LUZP2: variants seen among roughly 807,000 people sequenced by gnomAD.
The protein encoded by LUZP2 is leucine zipper protein 2.
A neutral mutation model predicts 51.6 loss-of-function variants in LUZP2; 52 were observed. That is an observed-to-expected ratio of 1.01 (90% confidence interval 0.81 to 1.27). The LOEUF (loss-of-function observed/expected upper bound fraction) is 1.27, where lower values mean the gene tolerates loss of function less well. Among genes scored for constraint, LUZP2 ranks in the 50% most tolerant of loss-of-function variants. The probability of loss-of-function intolerance (pLI) is 0.00; values close to 1 mark genes in which losing one functional copy is unlikely to be tolerated. For missense variants in LUZP2, 436 were observed against 395.4 expected, an observed-to-expected ratio of 1.10 and a Z score of -0.87; for synonymous variants, 154 against 137.3, an observed-to-expected ratio of 1.12 and a Z score of -0.85.
chr11:24,973,360 A>G (rs976844499), intron 7 of LUZP2, among the ~76,000 whole-genome samples: 4 of 13,822 alleles, frequency 2.9e-4, no homozygotes, highest in African/African-American at 5.2e-4. Context: ...CTATATATTT[A>G]TTAGTTTTTT....
chr11:25,043,817 G>A (rs1474552582), intron 9 of LUZP2, among the ~76,000 whole-genome samples: 1 of 147,052 alleles, frequency 6.8e-6, no homozygotes, highest in Non-Finnish European at 1.5e-5. Context: ...TATGTAAAAA[G>A]TACATAAATT....
chr11:24,741,497 T>C (rs928212293), intron 4 of LUZP2, among the ~76,000 whole-genome samples: 3 of 151,916 alleles, frequency 2.0e-5, no homozygotes, highest in Admixed American at 1.3e-4. Context: ...ATTTGTGAGA[T>C]TTTGGTGCAC....
At chr11:24,688,134 A>G (rs894885635) in intron 1 of LUZP2, among the ~76,000 whole-genome samples, 3 of 152,192 alleles carry the variant, frequency 2.0e-5, no homozygotes, top group Non-Finnish European at 4.4e-5. Context: ...GATAATAACA[A>G]GAGAAACATT....
At chr11:24,794,747 C>G (rs947567660) in intron 5 of LUZP2, among the ~76,000 whole-genome samples, 5 of 151,866 alleles carry the variant, frequency 3.3e-5, no homozygotes, top group African/African-American at 1.2e-4. Flanking sequence ...AATTTATTCT[C>G]TCATAAGTTT....
chr11:24,767,605 T>G (rs1257286816), intron 5 of LUZP2, among the ~76,000 whole-genome samples: 1 of 152,226 alleles, frequency 6.6e-6, no homozygotes, highest in Non-Finnish European at 1.5e-5. Flanking sequence ...TTATTTACAA[T>G]GGCCCACATT....
intron 9 of LUZP2, among the ~76,000 whole-genome samples, chr11:25,019,269 T>C (rs1396492210): frequency 6.6e-6 from 1 of 152,176 alleles, no homozygotes; most frequent in Non-Finnish European, 1.5e-5. Context: ...GAATCTATCA[T>C]ATAGAATGTC....
At chr11:24,979,041 G>A (rs1005842915) in intron 8 of LUZP2, among the ~76,000 whole-genome samples, 1 of 151,730 alleles carries the variant, frequency 6.6e-6, no homozygotes, top group African/African-American at 2.4e-5. Flanking sequence ...GAATGACCAT[G>A]TTCAAATTCC....
At chr11:25,048,275 C>T (rs995599152) in intron 9 of LUZP2, among the ~76,000 whole-genome samples, 3 of 152,186 alleles carry the variant, frequency 2.0e-5, no homozygotes, top group African/African-American at 7.2e-5. Context: ...TGTTTTCCTT[C>T]ACCTGGATGG....
At chr11:24,718,619 A>T (rs929028743) in intron 1 of LUZP2, among the ~76,000 whole-genome samples, 8 of 152,240 alleles carry the variant, frequency 5.3e-5, no homozygotes, top group African/African-American at 1.9e-4. Context: ...GTTCAACATT[A>T]TAAGTACAAA....
chr11:25,075,489 T>A (rs1432222840), intron 10 of LUZP2, among the ~76,000 whole-genome samples: 1 of 152,228 alleles, frequency 6.6e-6, no homozygotes, highest in Non-Finnish European at 1.5e-5. Flanking sequence ...CACTTTTTGG[T>A]AGGCATCTAG....
intron 9 of LUZP2, among the ~76,000 whole-genome samples, chr11:25,018,618 TTTTTTTTTA>T (rs1325340688): frequency 1.6e-3 from 146 of 90,286 alleles, no homozygotes; most frequent in African/African-American, 8.1e-3. Flanking sequence ...TTTTTTTTTT[TTTTTTTTTA>T]AAGACACTCT....
At chr11:24,935,921 A>G (rs1321598159) in intron 7 of LUZP2, among the ~76,000 whole-genome samples, 4 of 152,286 alleles carry the variant, frequency 2.6e-5, no homozygotes, top group Middle Eastern at 6.8e-3. Context: ...AGAGCAAATT[A>G]TTATTCTCCT....
chr11:24,775,996 T>C (rs562431118), intron 5 of LUZP2, among the ~76,000 whole-genome samples: 45 of 152,284 alleles, frequency 3.0e-4, no homozygotes, highest in African/African-American at 9.6e-4. Flanking sequence ...AGTTCATCAA[T>C]AAGCAGTGTT....
At chr11:24,838,651 T>C (rs1850932034) in intron 5 of LUZP2, among the ~76,000 whole-genome samples, 1 of 151,686 alleles carries the variant, frequency 6.6e-6, no homozygotes, top group Admixed American at 6.6e-5. Flanking sequence ...CTTCAGATGT[T>C]TTTGAAAAAG....
In LUZP2 at chr11:24,991,887, T is replaced by C. The variant is rs906505716; in HGVS notation, c.765+8594T>C. ...TTTTCTTTTGGGAATTGCCTATTTATGTTCTTAGCCCACTTTTTGATGGGA... is the reference window on the plus strand; with the variant it reads ...TTTTCTTTTGGGAATTGCCTATTTACGTTCTTAGCCCACTTTTTGATGGGA... On this transcript the variant is annotated intron_variant, in intron 9 of 11. Coordinates refer to ENST00000336930, the MANE Select transcript of LUZP2 (RefSeq NM_001009909.4). Among the ~76,000 whole-genome samples, 3 of 152,104 alleles carry C rather than the reference T, an allele frequency of 2.0e-5. 1 individual carries two copies. Among genetic ancestry groups the C allele is most frequent in the African/African-American group, 7.2e-5 (3 of 41,426 alleles).
intron 1 of LUZP2, among the ~76,000 whole-genome samples, chr11:24,577,658 A>G (rs1340013059): frequency 1.3e-5 from 2 of 152,168 alleles, no homozygotes; most frequent in Non-Finnish European, 2.9e-5. Flanking sequence ...AAGAAGAAAT[A>G]AATGTAAATT....
At chr11:24,761,728 A>C (rs1859986367) in intron 4 of LUZP2, among the ~76,000 whole-genome samples, 1 of 152,202 alleles carries the variant, frequency 6.6e-6, no homozygotes, top group Non-Finnish European at 1.5e-5. Context: ...AACTGTGGTT[A>C]CTACCATAAC....
intron 5 of LUZP2, among the ~76,000 whole-genome samples, chr11:24,867,454 T>A (rs1478260157): frequency 1.3e-5 from 2 of 152,180 alleles, no homozygotes; most frequent in African/African-American, 4.8e-5. Flanking sequence ...TTGTTATTGA[T>A]CACGCTCTGC....
At position 25,079,273 on chromosome 11, in the gene LUZP2, C is replaced by A. The variant is rs1294675456; in HGVS notation, c.*615C>A. ...TTAAGTATGTTTGGCATCATATGGA[C>A]AAAATATTTGGATGAATGACTAAAT... On this transcript the variant is annotated 3_prime_UTR_variant, in exon 12 of 12. Coordinates refer to ENST00000336930, the MANE Select transcript of LUZP2 (RefSeq NM_001009909.4). 1.3e-5 allele frequency: 2 copies of A among 152,114 alleles called. No individual in the cohort carries two copies. The highest frequency in any genetic ancestry group is 2.9e-5 in the Non-Finnish European group (2 of 68,034). 9.4% of individuals were successfully genotyped at this position (152,114 alleles called of 1,614,324 possible). A position where few individuals can be genotyped will look rare whatever the true frequency, so the allele number is the denominator to read the frequency against.
Sources: gnomAD v4.1 joint callset for allele counts (sites outside exome capture counted in the v4.1 genomes callset) on GRCh38, gnomAD v4.1.1 for gene constraint, MANE v1.5 for transcripts, NCBI Gene and HGNC (gene_info 2026-07-23, HGNC 2026-07-21) for gene names.